KYNU: variants seen among roughly 807,000 people sequenced by gnomAD.
KYNU encodes the protein kynureninase.
Under a neutral mutation model 59.2 loss-of-function variants are expected in KYNU, and 54 were observed. That is an observed-to-expected ratio of 0.91 (90% CI 0.73 to 1.14). The LOEUF (loss-of-function observed/expected upper bound fraction) is 1.14. Ranked by LOEUF, KYNU falls within the 50% of genes most tolerant of loss-of-function variation. The probability of loss-of-function intolerance (pLI) is 0.00; values close to 1 mark genes in which losing one functional copy is unlikely to be tolerated. For missense variants in KYNU, 567 were observed against 554.4 expected, an observed-to-expected ratio of 1.02 and a Z score of -0.23; for synonymous variants, 177 against 192.0, an observed-to-expected ratio of 0.92 and a Z score of 0.65.
At chr2:142,927,496 C>A (rs1683081723) in intron 3 of KYNU, among the ~76,000 whole-genome samples, 163 bp from the exon 4 acceptor site, 1 of 152,048 alleles carries the variant, frequency 6.6e-6, no homozygotes, top group African/African-American at 2.4e-5. Flanking sequence ...AGACATTAAT[C>A]CCAAGTATTA....
chr2:142,913,332 A>G (rs1048666304), intron 2 of KYNU, among the ~76,000 whole-genome samples: 7 of 152,200 alleles, frequency 4.6e-5, no homozygotes, highest in East Asian at 1.9e-4. Context: ...GCTTAGCACT[A>G]TAAGTTTTCC....
chr2:142,888,395 C>T (rs1372863841), intron 2 of KYNU, among the ~76,000 whole-genome samples: 1 of 152,106 alleles, frequency 6.6e-6, no homozygotes, highest in Non-Finnish European at 1.5e-5. Context: ...TAGTTCAAGG[C>T]TGCAGTGAGC....
chr2:142,882,330 C>CT (rs575853728), intron 1 of KYNU, among the ~76,000 whole-genome samples: 24 of 147,834 alleles, frequency 1.6e-4, no homozygotes, highest in Middle Eastern at 3.4e-3. Context: ...CCCTTTTCAA[C>CT]TTTTTTTTTT....
intron 4 of KYNU, among the ~76,000 whole-genome samples, chr2:142,939,243 A>G (rs2105044699): frequency 6.6e-6 from 1 of 152,294 alleles, no homozygotes; most frequent in East Asian, 1.9e-4. Flanking sequence ...TAATCATTAC[A>G]TTATACAAAT....
At chr2:142,905,485 C>T (rs1553474973) in intron 2 of KYNU, among the ~76,000 whole-genome samples, 1 of 152,128 alleles carries the variant, frequency 6.6e-6, no homozygotes, top group Non-Finnish European at 1.5e-5. Flanking sequence ...CTGGTAGGAC[C>T]TTTGTATGGT....
At chr2:142,889,204 A>G (rs987596265) in intron 2 of KYNU, among the ~76,000 whole-genome samples, 1 of 152,142 alleles carries the variant, frequency 6.6e-6, no homozygotes, top group African/African-American at 2.4e-5. Context: ...AGAAAAACCC[A>G]GGGAAAACTT....
At chr2:142,975,770 G>T (rs557384546) in intron 8 of KYNU, among the ~76,000 whole-genome samples, 55 of 152,256 alleles carry the variant, frequency 3.6e-4, no homozygotes, top group Non-Finnish European at 2.4e-4. Context: ...ATATCTTGAT[G>T]AATTCATTTC....
chr2:143,003,862 CAG>C (rs1457069297), intron 10 of KYNU, among the ~76,000 whole-genome samples: 3 of 151,862 alleles, frequency 2.0e-5, no homozygotes, highest in Non-Finnish European at 2.9e-5. Flanking sequence ...AACTACCTAA[CAG>C]AAAGAGTGGA....
At chr2:143,021,710 A>G (rs763231992) in intron 10 of KYNU, among the ~76,000 whole-genome samples, 5 of 152,154 alleles carry the variant, frequency 3.3e-5, no homozygotes, top group Non-Finnish European at 5.9e-5. Context: ...ATGGTGCTAA[A>G]CTATTCATGA....
At chr2:142,908,667 C>T (rs1373720173) in intron 2 of KYNU, among the ~76,000 whole-genome samples, 1 of 151,056 alleles carries the variant, frequency 6.6e-6, no homozygotes, top group Non-Finnish European at 1.5e-5. Context: ...TGGAGTCTTG[C>T]TCTGTTGCCC....
intron 2 of KYNU, among the ~76,000 whole-genome samples, chr2:142,890,894 A>G (rs1429530116): frequency 6.6e-6 from 1 of 152,192 alleles, no homozygotes; most frequent in East Asian, 1.9e-4. Flanking sequence ...CTCCTTGGTC[A>G]TTGCTTTCCT....
Position 142,949,559 on chromosome 2 carries a change from AGAC to A in KYNU, c.374-5250_374-5248del, listed in dbSNP as rs1404432249. 3.9e-5 allele frequency among the ~76,000 whole-genome samples: 6 copies of A among 152,374 alleles called. No homozygotes were observed. The East Asian group carries it at 9.6e-4, about 24-fold the overall frequency. On this transcript the variant is annotated intron_variant, in intron 4 of 13. Coordinates refer to ENST00000264170, the MANE Select transcript of KYNU (RefSeq NM_003937.3). ...TGAGGCTTGCACCCTTTGAAGCCACAGACTGAGCTGTACCTTGGCCCCTTTCAT... is the reference window on the plus strand; with the variant it reads ...TGAGGCTTGCACCCTTTGAAGCCACATGAGCTGTACCTTGGCCCCTTTCAT...
At chr2:142,879,196 A>G (rs1357646110) in intron 1 of KYNU, among the ~76,000 whole-genome samples, 1 of 152,182 alleles carries the variant, frequency 6.6e-6, no homozygotes, top group Non-Finnish European at 1.5e-5. Flanking sequence ...AGTATGAGTG[A>G]ATAAATTGCA....
At chr2:142,936,817 C>T (rs1391117216) in intron 4 of KYNU, among the ~76,000 whole-genome samples, 8 of 152,166 alleles carry the variant, frequency 5.3e-5, no homozygotes, top group Admixed American at 5.2e-4. Context: ...GCTGCTGTGG[C>T]CTACTCTCTG....
Position 142,989,389 on chromosome 2 carries a change from G to T in KYNU, c.902+3368G>T. On this transcript the variant is annotated intron_variant, in intron 10 of 13. Coordinates refer to ENST00000264170, the MANE Select transcript of KYNU (RefSeq NM_003937.3). ...TTTTCACTGTTAAAGTGTCCAGTAT[G>T]TAGCCGAGAACCATATGGAGAACAT... 3 of 992,270 alleles carry T rather than the reference G, an allele frequency of 3.0e-6. No homozygotes were observed. In the South Asian group the frequency reaches 1.4e-4, roughly 45 times the overall value. The allele number at this position is 992,270 out of a possible 1,614,324, so 61.5% of individuals were successfully genotyped here.
intron 12 of KYNU, among the ~76,000 whole-genome samples, chr2:143,035,717 A>G (rs1686876453): frequency 6.6e-6 from 1 of 152,154 alleles, no homozygotes; most frequent in African/African-American, 2.4e-5. Context: ...CCCACCTTCC[A>G]GGTAACTGGG....
chr2:142,921,618 G>A (rs1336823090), intron 3 of KYNU, among the ~76,000 whole-genome samples: 1 of 152,032 alleles, frequency 6.6e-6, no homozygotes, highest in Non-Finnish European at 1.5e-5. Context: ...GACCAACCTG[G>A]GCAACATTGT....
At chr2:142,911,063 T>C (rs1682464836) in intron 2 of KYNU, among the ~76,000 whole-genome samples, 1 of 152,164 alleles carries the variant, frequency 6.6e-6, no homozygotes, top group Non-Finnish European at 1.5e-5. Flanking sequence ...ATTGGTCACA[T>C]ACGAATTTTA....
chr2:142,929,359 CA>C (rs5834929), intron 4 of KYNU, among the ~76,000 whole-genome samples: 7,523 of 105,296 alleles, frequency 0.071, 161 homozygotes, highest in East Asian at 0.17. Flanking sequence ...TTGCCTTTCT[CA>C]AAAAAAAAAA....
Sources: gnomAD v4.1 joint callset for allele counts (sites outside exome capture counted in the v4.1 genomes callset) on GRCh38, gnomAD v4.1.1 for gene constraint, MANE v1.5 for transcripts, NCBI Gene and HGNC (gene_info 2026-07-23, HGNC 2026-07-21) for gene names.